DOCK8: variants seen among roughly 807,000 people sequenced by gnomAD.
The protein encoded by DOCK8 is dedicator of cytokinesis 8, also known as dedicator of cytokinesis protein 8.
Under a neutral mutation model 245.6 loss-of-function variants are expected in DOCK8, and 141 were observed. That is an observed-to-expected ratio of 0.57 (90% CI 0.50 to 0.66). The LOEUF is 0.66. DOCK8 is among the 30% of genes least tolerant of loss of function. DOCK8 has a pLI of 0.00. For missense variants in DOCK8, 2,965 were observed against 2,603.4 expected (o/e 1.14, Z -3.02); for synonymous variants, 1,168 against 970.2 (o/e 1.20, Z -3.79).
chr9:219,951 G>C (rs2046846419), intron 1 of DOCK8, among the ~76,000 whole-genome samples: 1 of 152,164 alleles, frequency 6.6e-6, no homozygotes, highest in Non-Finnish European at 1.5e-5. Flanking sequence ...AGCACAATGA[G>C]CTACAGAGAG....
chr9:215,906 C>A lies in DOCK8; in HGVS notation c.53+877C>A, dbSNP rs538893010. On this transcript the variant is annotated intron_variant, in intron 1 of 47. Transcript: ENST00000432829. The stretch of plus-strand genomic sequence containing the variant: ...GTTAAAAGATAATAGGAAACTCATT[C>A]TAAAGTGTCAACTTATTCTATTGCC... Among the ~76,000 whole-genome samples the A allele has an allele frequency of 2.0e-5, 3 of 152,306 alleles. No homozygotes were observed. In the South Asian group the frequency reaches 6.2e-4, roughly 32 times the overall value.
Position 214,957 on chromosome 9 carries a change from C to T in DOCK8, c.-20C>T. 1 of 1,602,798 alleles carries T rather than the reference C, an allele frequency of 6.2e-7. No individual in the cohort carries two copies. The highest frequency in any genetic ancestry group is 1.7e-5 in the Admixed American group (1 of 59,322). On this transcript the variant is annotated 5_prime_UTR_variant, in exon 1 of 48. Transcript: ENST00000432829. Reference sequence around the variant, plus strand: ...TTCCGCACCCCGCGACCCTAGAAGCCACCGAACCGCCGGCGGGCCATGGCC... The same window carrying T: ...TTCCGCACCCCGCGACCCTAGAAGCTACCGAACCGCCGGCGGGCCATGGCC...
chr9:324,102 G>A (rs1308998296), intron 7 of DOCK8, among the ~76,000 whole-genome samples: 1 of 152,242 alleles, frequency 6.6e-6, no homozygotes, highest in Admixed American at 6.5e-5. Flanking sequence ...CGAGTAACCT[G>A]ATTAGGGTCG....
At chr9:238,015 A>G (rs1282630415) in intron 1 of DOCK8, among the ~76,000 whole-genome samples, 2 of 152,188 alleles carry the variant, frequency 1.3e-5, no homozygotes, top group Non-Finnish European at 2.9e-5. Flanking sequence ...AGGAGGATTT[A>G]TAGGAGAAGA....
intron 22 of DOCK8, among the ~76,000 whole-genome samples, chr9:385,381 ATAC>A (rs1264648842): frequency 1.3e-5 from 2 of 152,262 alleles, no homozygotes; most frequent in African/African-American, 4.8e-5. Context: ...CATATAAGAA[ATAC>A]TACCTTTGTA....
At chr9:403,964 A>ATATG (rs2055282391) in intron 26 of DOCK8, among the ~76,000 whole-genome samples, 8 of 75,696 alleles carry the variant, frequency 1.1e-4, no homozygotes, top group African/African-American at 5.7e-4. Flanking sequence ...ATATATGTAT[A>ATATG]TATATATATA....
intron 1 of DOCK8, among the ~76,000 whole-genome samples, chr9:225,714 T>A (rs1486003909): frequency 1.3e-5 from 2 of 152,052 alleles, no homozygotes; most frequent in African/African-American, 4.8e-5. Context: ...AATAAACCAC[T>A]AAATAAACAA....
intron 1 of DOCK8, among the ~76,000 whole-genome samples, chr9:270,189 G>T (rs1292536700): frequency 6.6e-6 from 1 of 152,100 alleles, no homozygotes; most frequent in Non-Finnish European, 1.5e-5. Context: ...ATTAAATAAA[G>T]AAAACGCTGT....
intron 2 of DOCK8, chr9:273,186 T>A: frequency 1.2e-6 from 1 of 822,356 alleles, no homozygotes; most frequent in Non-Finnish European, 1.5e-6. Flanking sequence ...ACGAAAAACC[T>A]ATAGCATCTT....
intron 46 of DOCK8, among the ~76,000 whole-genome samples, chr9:453,209 C>G (rs2057522683): frequency 6.6e-6 from 1 of 152,214 alleles, no homozygotes; most frequent in African/African-American, 2.4e-5. Context: ...CAGTGAATCA[C>G]AGCCGCTTGG....
At chr9:234,480 C>A (rs1473965767) in intron 1 of DOCK8, among the ~76,000 whole-genome samples, 1 of 152,178 alleles carries the variant, frequency 6.6e-6, no homozygotes, top group Non-Finnish European at 1.5e-5. Context: ...TGGATAATAT[C>A]CTGCAGAGTG....
At chr9:285,924 C>T (rs534871424) in intron 2 of DOCK8, among the ~76,000 whole-genome samples, 16 of 152,082 alleles carry the variant, frequency 1.1e-4, no homozygotes, top group South Asian at 2.1e-4. Flanking sequence ...TTTCAGCCAC[C>T]GAAACACTCG....
At chr9:306,015 A>G (rs1221018856) in intron 5 of DOCK8, among the ~76,000 whole-genome samples, 1 of 152,202 alleles carries the variant, frequency 6.6e-6, no homozygotes, top group African/African-American at 2.4e-5. Context: ...GATGCTGGTG[A>G]TGGTTATACT....
chr9:272,270 C>G (rs532701), intron 2 of DOCK8, among the ~76,000 whole-genome samples: 3 of 151,854 alleles, frequency 2.0e-5, no homozygotes. Flanking sequence ...TTCCCCAGCG[C>G]GCTTTTACAA....
chr9:330,384 G>A (rs1259139117), intron 9 of DOCK8, among the ~76,000 whole-genome samples: 2 of 152,104 alleles, frequency 1.3e-5, no homozygotes, highest in African/African-American at 4.8e-5. Flanking sequence ...AAAGCAGAGA[G>A]CCTAGCACTT....
chr9:222,448 G>A (rs367564766), intron 1 of DOCK8, among the ~76,000 whole-genome samples: 4 of 151,942 alleles, frequency 2.6e-5, no homozygotes, highest in Non-Finnish European at 5.9e-5. Flanking sequence ...CCAAATTGAC[G>A]CCCAGAAAAG....
intron 2 of DOCK8, among the ~76,000 whole-genome samples, chr9:283,169 G>C (rs567072227): frequency 4.1e-4 from 63 of 152,222 alleles, no homozygotes; most frequent in Middle Eastern, 3.4e-3. Flanking sequence ...ATTCCAGATG[G>C]GCCAGTCCCT....
intron 10 of DOCK8, among the ~76,000 whole-genome samples, chr9:333,364 G>A (rs1473349076): frequency 1.3e-5 from 2 of 152,220 alleles, no homozygotes; most frequent in Non-Finnish European, 2.9e-5. Flanking sequence ...CACTTTGGGA[G>A]GCCAAGGCGG....
chr9:423,445 C>T lies in DOCK8; in HGVS notation c.4241+1310C>T, dbSNP rs181849869. Among the ~76,000 whole-genome samples, 92 of 152,234 alleles carry T rather than the reference C, an allele frequency of 6.0e-4. 1 individual carries two copies. The highest frequency in any genetic ancestry group is 2.2e-3 in the African/African-American group (91 of 41,518). ...CACACACAGTTGACAAGGTAGGATA[C>T]CCCATGGGTGATGAAGCACCCATCA... On this transcript the variant is annotated intron_variant, in intron 33 of 47. Transcript: ENST00000432829.
Sources: gnomAD v4.1 joint callset for allele counts (sites outside exome capture counted in the v4.1 genomes callset) on GRCh38, gnomAD v4.1.1 for gene constraint, MANE v1.5 for transcripts, NCBI Gene and HGNC (gene_info 2026-07-23, HGNC 2026-07-21) for gene names.